The following CLASP2 variants were observed in gnomAD, a reference collection of about 807,000 sequenced individuals.
CLASP2 encodes the protein CLIP-associating protein 2.
A neutral mutation model predicts 194.4 loss-of-function variants in CLASP2; 47 were observed. The observed-to-expected ratio is 0.24, with a 90% CI of 0.19 to 0.31. The LOEUF is 0.31. CLASP2 is among the 10% of genes least tolerant of loss of function. The probability of loss-of-function intolerance (pLI) is 1.00; values close to 1 mark genes in which losing one functional copy is unlikely to be tolerated. For missense variants in CLASP2, 1,445 were observed against 1,823.6 expected (o/e 0.79, Z 3.78); for synonymous variants, 619 against 633.5 (o/e 0.98, Z 0.34).
chr3:33,671,570 G>A (rs1253790228), intron 6 of CLASP2, among the ~76,000 whole-genome samples: 3 of 152,170 alleles, frequency 2.0e-5, no homozygotes, highest in African/African-American at 4.8e-5. Flanking sequence ...CATCTCACTA[G>A]GGAGTGCCAG....
chr3:33,527,861 G>A (rs1038462045), intron 34 of CLASP2, among the ~76,000 whole-genome samples: 29 of 152,140 alleles, frequency 1.9e-4, no homozygotes, highest in Non-Finnish European at 1.5e-4. Flanking sequence ...TATTCAGGAG[G>A]CTGAGGCAGG....
At chr3:33,587,968 T>A (rs1273795863) in intron 21 of CLASP2, among the ~76,000 whole-genome samples, 1 of 152,196 alleles carries the variant, frequency 6.6e-6, no homozygotes, top group Admixed American at 6.5e-5. Flanking sequence ...CTGCAGAATT[T>A]CTTGAAATGT....
chr3:33,573,049 C>T, intron 25 of CLASP2, 61 bp downstream of exon 25: 1 of 1,584,180 alleles, frequency 6.3e-7, no homozygotes, highest in Non-Finnish European at 8.6e-7. Flanking sequence ...GTTATAGAAA[C>T]AAAGTAAAAT....
intron 36 of CLASP2, chr3:33,514,591 G>T: frequency 4.4e-6 from 1 of 227,964 alleles, no homozygotes; most frequent in Non-Finnish European, 9.6e-6. Flanking sequence ...TAATGCTATT[G>T]CTCAGTTGCT....
chr3:33,711,100 A>G (rs2092981218), intron 1 of CLASP2, among the ~76,000 whole-genome samples: 1 of 152,192 alleles, frequency 6.6e-6, no homozygotes, highest in Non-Finnish European at 1.5e-5. Context: ...AAAATATAGT[A>G]TGACTGTCAG....
chr3:33,637,047 A>C (rs2080283967), intron 8 of CLASP2, among the ~76,000 whole-genome samples: 1 of 152,234 alleles, frequency 6.6e-6, no homozygotes, highest in Non-Finnish European at 1.5e-5. Context: ...TACGTAGGTA[A>C]GCTGACTAAA....
Position 33,499,961 on chromosome 3 carries a change from T to C in CLASP2, c.4435-1244A>G, listed in dbSNP as rs377637996. Among the ~76,000 whole-genome samples the C allele has an allele frequency of 3.9e-5, 6 of 152,190 alleles. No homozygotes were observed. In the South Asian group the frequency reaches 1.2e-3, roughly 32 times the overall value. Reference sequence around the variant, plus strand: ...CTACCAAGAATGTTTTAAATATCTCTGTGTCATTCTGCAGTCTTTGTATGA... The same window carrying C: ...CTACCAAGAATGTTTTAAATATCTCCGTGTCATTCTGCAGTCTTTGTATGA... On this transcript the variant is annotated intron_variant, in intron 38 of 38. Transcript: ENST00000682230.
At chr3:33,588,860 A>G in intron 21 of CLASP2, 1 of 610,534 alleles carries the variant, frequency 1.6e-6, no homozygotes, top group South Asian at 2.0e-5. Flanking sequence ...AAAAAACCCT[A>G]AGGCAAAAAA....
In CLASP2 at chr3:33,498,573, T is replaced by G; in HGVS notation, c.*58A>C. On this transcript the variant is annotated 3_prime_UTR_variant, in exon 39 of 39. Coordinates refer to ENST00000682230, the MANE Select transcript of CLASP2 (RefSeq NM_001365631.1). ...GTGTTTGAGAACTTCCTTTCATTGA[T>G]GAGGGTGGTCTATCTGTCCTTTCTT... 4.1e-5 allele frequency: 43 copies of G among 1,042,224 alleles called. No homozygotes were observed. The highest frequency in any genetic ancestry group is 6.2e-5 in the Non-Finnish European group (42 of 677,642). The allele number at this position is 1,042,224 out of a possible 1,614,324, so 64.6% of individuals were successfully genotyped here.
At chr3:33,655,534 T>C (rs1237804727) in intron 7 of CLASP2, among the ~76,000 whole-genome samples, 2 of 152,164 alleles carry the variant, frequency 1.3e-5, no homozygotes, top group Non-Finnish European at 2.9e-5. Flanking sequence ...ATTTACTTTT[T>C]CACCTTATAG....
chr3:33,552,412 C>T (rs573363287), intron 29 of CLASP2, among the ~76,000 whole-genome samples: 2 of 152,180 alleles, frequency 1.3e-5, no homozygotes, highest in African/African-American at 4.8e-5. Flanking sequence ...CCACCGTGCC[C>T]GGCCTATTCT....
intron 24 of CLASP2, among the ~76,000 whole-genome samples, chr3:33,574,028 A>G (rs1462266652): frequency 6.6e-6 from 1 of 152,148 alleles, no homozygotes; most frequent in African/African-American, 2.4e-5. Context: ...GCATATTCAG[A>G]TTCCTTTGAT....
intron 35 of CLASP2, 102 bp from the exon 36 acceptor site, chr3:33,516,253 T>C (rs2051282704): frequency 9.7e-7 from 1 of 1,032,020 alleles, no homozygotes; most frequent in African/African-American, 1.6e-5. Flanking sequence ...GGGGAGGAGT[T>C]GTAGATAACT....
intron 4 of CLASP2, 110 bp downstream of exon 4, chr3:33,688,167 T>C: frequency 1.4e-6 from 1 of 708,296 alleles, no homozygotes; most frequent in Non-Finnish European, 2.2e-6. Context: ...TTATATGCTT[T>C]AATAATTTTA....
At chr3:33,562,066 T>C (rs961697430) in intron 27 of CLASP2, among the ~76,000 whole-genome samples, 2 of 152,208 alleles carry the variant, frequency 1.3e-5, no homozygotes, top group African/African-American at 4.8e-5. Flanking sequence ...AAATGAAGGA[T>C]TTTCTTTATC....
chr3:33,695,778 T>C (rs2091832711), intron 2 of CLASP2, among the ~76,000 whole-genome samples: 1 of 151,980 alleles, frequency 6.6e-6, no homozygotes, highest in Non-Finnish European at 1.5e-5. Context: ...CATCTCTATT[T>C]TAAAATACAA....
chr3:33,562,439 A>C (rs2061945823), intron 27 of CLASP2, among the ~76,000 whole-genome samples: 1 of 149,508 alleles, frequency 6.7e-6, no homozygotes, highest in South Asian at 2.1e-4. Flanking sequence ...ACTCATTCTT[A>C]CTGTTACCTA....
At chr3:33,682,262 CTT>C (rs1387588489) in intron 6 of CLASP2, among the ~76,000 whole-genome samples, 2 of 151,876 alleles carry the variant, frequency 1.3e-5, no homozygotes, top group African/African-American at 2.4e-5. Context: ...GAAAAAAAAA[CTT>C]TATAGAGTGT....
chr3:33,597,495 A>C (rs2070751745), intron 18 of CLASP2, among the ~76,000 whole-genome samples: 1 of 152,148 alleles, frequency 6.6e-6, no homozygotes, highest in African/African-American at 2.4e-5. Flanking sequence ...TTGTGGGGAC[A>C]CTGAACTCTG....
Sources: allele counts gnomAD v4.1 joint callset (sites outside exome capture counted in the v4.1 genomes callset), GRCh38; gene constraint gnomAD v4.1.1; transcripts MANE v1.5; gene names NCBI Gene and HGNC (gene_info 2026-07-23, HGNC 2026-07-21).